The following NEK8 variants were observed in gnomAD, a reference collection of about 807,000 sequenced individuals.
NEK8 encodes the protein NIMA related kinase 8, also known as serine/threonine-protein kinase Nek8.
Under a neutral mutation model 77.2 loss-of-function variants are expected in NEK8, and 51 were observed. The ratio of observed to expected loss-of-function variants is 0.66; its 90% CI spans 0.53 to 0.83. The LOEUF (loss-of-function observed/expected upper bound fraction) is 0.83, where lower values mean the gene tolerates loss of function less well. NEK8 is among the 40% of genes least tolerant of loss of function. The pLI, the probability that NEK8 is intolerant of heterozygous loss-of-function variation, is 0.00. For missense variants in NEK8, 787 were observed against 909.2 expected, an observed-to-expected ratio of 0.87 and a Z score of 1.73; for synonymous variants, 365 against 363.2, an observed-to-expected ratio of 1.00 and a Z score of -0.06.
In NEK8 at chr17:28,742,941, CG is replaced by C. The variant is rs1305323766; in HGVS notation, c.*957del. 1 of 151,910 alleles carries C rather than the reference CG, an allele frequency of 6.6e-6. No individual in the cohort carries two copies. Among genetic ancestry groups the C allele is most frequent in the Non-Finnish European group, 1.5e-5 (1 of 68,008 alleles). 9.4% of individuals were successfully genotyped at this position (151,910 alleles called of 1,614,324 possible). On this transcript the variant is annotated 3_prime_UTR_variant, in exon 15 of 15. Coordinates refer to ENST00000268766, the MANE Select transcript of NEK8 (RefSeq NM_178170.3). The stretch of plus-strand genomic sequence containing the variant: ...TACAAAAATTAACCAGGCATGGTGA[CG>C]GGCGCCTGTAATCCCAGCTACTCTG...
At position 28,735,388 on chromosome 17, in the gene NEK8, T is replaced by C; in HGVS notation, c.618+17T>C. On this transcript the variant is annotated intron_variant, in intron 4 of 14. Coordinates refer to ENST00000268766, the MANE Select transcript of NEK8 (RefSeq NM_178170.3). ...GAGGCTGCGGTGAGTGTATGCACCC[T>C]CCAGGGGACAACTGAGAAATCTACT... The C allele has an allele frequency of 6.2e-7, 1 of 1,611,630 alleles. No individual in the cohort carries two copies. The highest frequency in any genetic ancestry group is 8.5e-7 in the Non-Finnish European group (1 of 1,179,216).
rs754548714 is a variant in NEK8 at position 28,735,023 on chromosome 17, G to A, written c.486+19G>A. ...CTACACGGTGCCTGGGCATGGAAGG[G>A]ACCTCCAGGGCACTAGAAGTCTTGA... On this transcript the variant is annotated intron_variant, in intron 3 of 14. Transcript: ENST00000268766. 1.3e-6 allele frequency: 2 copies of A among 1,583,392 alleles called. No individual in the cohort carries two copies. Among genetic ancestry groups the A allele is most frequent in the East Asian group, 4.5e-5 (2 of 44,752 alleles).
At position 28,741,583 on chromosome 17, in the gene NEK8, C is replaced by T. The variant is rs761956684; in HGVS notation, c.2050+12C>T. On this transcript the variant is annotated intron_variant, in intron 14 of 14. Coordinates refer to ENST00000268766, the MANE Select transcript of NEK8 (RefSeq NM_178170.3). This position sits in a 1 kb window ranked among gnomAD's most constrained non-coding sequence, Gnocchi z 4.5. ...CCTGGCTGTTCGATGTGAGTTGTAA[C>T]TTTTCCCACTTCACCACACAGCCCA... is the stretch of plus-strand genomic sequence containing the variant. The T allele has an allele frequency of 1.2e-6, 2 of 1,613,922 alleles. No homozygotes were observed. The highest frequency in any genetic ancestry group is 1.1e-5 in the South Asian group (1 of 91,086).
intron 2 of NEK8, 63 bp downstream of exon 2, chr17:28,734,251 C>A: frequency 7.0e-7 from 1 of 1,427,640 alleles, no homozygotes; most frequent in Non-Finnish European, 9.9e-7. Flanking sequence ...CAGGCAGACA[C>A]AGATCTCCTG....
intron 8 of NEK8, 135 bp downstream of exon 8, chr17:28,738,380 A>G (rs1467666343): frequency 1.5e-5 from 17 of 1,129,300 alleles, no homozygotes; most frequent in Non-Finnish European, 2.1e-5. Flanking sequence ...TCTAGTAACT[A>G]TTGAGGAGAT....
At position 28,742,138 on chromosome 17, in the gene NEK8, GC is replaced by G. The variant is rs2034429915; in HGVS notation, c.*153del. ...TGGCAAAACCCCTGCTCTGCTTTTG[GC>G]CTTGGATATGGAAACCTCAACCACT... On this transcript the variant is annotated 3_prime_UTR_variant, in exon 15 of 15. Coordinates refer to ENST00000268766, the MANE Select transcript of NEK8 (RefSeq NM_178170.3). 3 of 828,776 alleles carry G rather than the reference GC, an allele frequency of 3.6e-6. No homozygotes were observed. The East Asian group carries it at 7.3e-5, about 20-fold the overall frequency. The allele number at this position is 828,776 out of a possible 1,614,324, so 51.3% of individuals were successfully genotyped here.
chr17:28,734,819 G>T lies in NEK8; in HGVS notation c.301G>T (p.Glu101Ter). ...CCAAAAGCGCTGTAATTCCCTGCTGGAGGAGGAGACCATCCTGCACTTCTT... is the reference window on the plus strand; with the variant it reads ...CCAAAAGCGCTGTAATTCCCTGCTGTAGGAGGAGACCATCCTGCACTTCTT... Reference protein sequence around the residue: ...FIQKRCNSLLEEETILHFFVQ... With the variant: ...FIQKRCNSLL The change falls in exon 3 of 15, where the codon GAG becomes TAG. Residue 101 changes from glutamate (E) to a stop codon, truncating the protein, a stop_gained. Transcript: ENST00000268766. LOFTEE classifies it high-confidence loss of function. 1 of 1,613,882 alleles carries T rather than the reference G, an allele frequency of 6.2e-7. No homozygotes were observed. The highest frequency in any genetic ancestry group is 8.5e-7 in the Non-Finnish European group (1 of 1,180,006).
intron 1 of NEK8, 70 bp downstream of exon 1, chr17:28,728,930 G>A (rs756177164): frequency 8.0e-6 from 11 of 1,376,094 alleles, no homozygotes; most frequent in Non-Finnish European, 9.1e-6. Flanking sequence ...CGCCCGCGAA[G>A]TCGCCGCCCG....
rs546703198 is a variant in NEK8, at chr17:28,741,842, CTCTT to C, written c.2051-113_2051-110del. On this transcript the variant is annotated intron_variant, in intron 14 of 14. Transcript: ENST00000268766. This position sits in a 1 kb window ranked among gnomAD's most constrained non-coding sequence, Gnocchi z 4.5. ...GCTGAGTCCCGTTGATGCTGAAACT[CTCTT>C]TCTGGCCTAACAGGGTCCAGAATCC... 1.1e-3 allele frequency: 1,232 copies of C among 1,150,760 alleles called. 5 individuals are homozygous for C. Among genetic ancestry groups the C allele is most frequent in the Non-Finnish European group, 1.5e-3 (1,116 of 759,228 alleles). The allele number at this position is 1,150,760 out of a possible 1,614,324, so 71.3% of individuals were successfully genotyped here.
Position 28,740,672 on chromosome 17 carries a change from C to T in NEK8, c.1568+59C>T, listed in dbSNP as rs2034411600. ...TGGCTCTCCTTGGCTGCAAGTGCTC[C>T]GTCCATCATTGCCTACCTTTCACCA... On this transcript the variant is annotated intron_variant, in intron 11 of 14. Coordinates refer to ENST00000268766, the MANE Select transcript of NEK8 (RefSeq NM_178170.3). The surrounding 1 kb of genome is among the most constrained non-coding windows in gnomAD (Gnocchi z 4.7). 26 of 1,599,020 alleles carry T rather than the reference C, an allele frequency of 1.6e-5. No individual in the cohort carries two copies. Among genetic ancestry groups the T allele is most frequent in the South Asian group, 6.6e-5 (6 of 90,736 alleles).
Position 28,737,293 on chromosome 17 carries a change from G to T in NEK8, c.619-13G>T. On this transcript the variant is annotated splice_polypyrimidine_tract_variant and intron_variant, in intron 4 of 14. Coordinates refer to ENST00000268766, the MANE Select transcript of NEK8 (RefSeq NM_178170.3). This position sits in a 1 kb window ranked among gnomAD's most constrained non-coding sequence, Gnocchi z 4.8. ...CCTCACTTCCCCAAATTCTCAACCT[G>T]GTGCCTTCACAGAACTTGCCAGCAC... The T allele has an allele frequency of 1.2e-6, 2 of 1,602,576 alleles. No individual in the cohort carries two copies. The highest frequency in any genetic ancestry group is 1.7e-6 in the Non-Finnish European group (2 of 1,174,934).
In NEK8 at chr17:28,735,074, C is replaced by T. The variant is rs2034350092; in HGVS notation, c.486+70C>T. 6.0e-6 allele frequency: 9 copies of T among 1,500,616 alleles called. No individual in the cohort carries two copies. In the South Asian group the frequency reaches 9.0e-5, roughly 15 times the overall value. 93.0% of individuals were successfully genotyped at this position (1,500,616 alleles called of 1,614,324 possible). A position where few individuals can be genotyped will look rare whatever the true frequency, so the allele number is the denominator to read the frequency against. On this transcript the variant is annotated intron_variant, in intron 3 of 14. Coordinates refer to ENST00000268766, the MANE Select transcript of NEK8 (RefSeq NM_178170.3). ...GGGCCAGGACCTAACCCTGCCTCCT[C>T]CCCTCCCCCTAAAAAACCCTTGGCC...
rs1194439006 is a variant in NEK8 at position 28,735,015 on chromosome 17, A to G, written c.486+11A>G. On this transcript the variant is annotated intron_variant, in intron 3 of 14. Transcript: ENST00000268766. ...AGCAAGGCCTACACGGTGCCTGGGC[A>G]TGGAAGGGACCTCCAGGGCACTAGA... 1.8e-5 allele frequency: 28 copies of G among 1,597,514 alleles called. No individual in the cohort carries two copies. Among genetic ancestry groups the G allele is most frequent in the African/African-American group, 1.6e-4 (12 of 74,768 alleles).
chr17:28,732,695 G>T (rs903374641), intron 1 of NEK8, among the ~76,000 whole-genome samples: 1 of 150,882 alleles, frequency 6.6e-6, no homozygotes, highest in Non-Finnish European at 1.5e-5. Flanking sequence ...GGGATTACAG[G>T]CGCCTGCCAC....
At position 28,738,115 on chromosome 17, in the gene NEK8, C is replaced by T. The variant is rs201321032; in HGVS notation, c.1092C>T (p.Gly364=). Residue 364 remains glycine, a synonymous_variant, in exon 8 of 15, where the codon GGC becomes GGT. Coordinates refer to ENST00000268766, the MANE Select transcript of NEK8 (RefSeq NM_178170.3). ...TGCAGGCCCCACCCCTAGGTGCAGG[C>T]GGAGGCAGTCTCCTTCCTGGGGCAG... ...ILWEAPPLGA[G]GGSLLPGAVE... 85 of 1,613,772 alleles carry T rather than the reference C, an allele frequency of 5.3e-5. 2 individuals are homozygous for T. In the South Asian group the frequency reaches 6.8e-4, roughly 13 times the overall value.
rs551842894 is a variant in NEK8 at position 28,739,350 on chromosome 17, C to T, written c.1417+149C>T. On this transcript the variant is annotated intron_variant, in intron 10 of 14. Transcript: ENST00000268766. Reference sequence around the variant, plus strand: ...CATTCAACAAACCTTTATTTTACACCGACTATGTGCACACCCTGTGCTGGG... The same window carrying T: ...CATTCAACAAACCTTTATTTTACACTGACTATGTGCACACCCTGTGCTGGG... 9.5e-4 allele frequency: 698 copies of T among 737,894 alleles called. 6 individuals are homozygous for T. The African/African-American group carries it at 0.011, about 11-fold the overall frequency. The allele number at this position is 737,894 out of a possible 1,614,324, so 45.7% of individuals were successfully genotyped here. A position where few individuals can be genotyped will look rare whatever the true frequency, so the allele number is the denominator to read the frequency against.
intron 8 of NEK8, 144 bp downstream of exon 8, chr17:28,738,389 AT>A: frequency 9.2e-7 from 1 of 1,086,952 alleles, no homozygotes; most frequent in Non-Finnish European, 1.4e-6. Context: ...TATTGAGGAG[AT>A]TTCCTTATAC....
intron 3 of NEK8, 84 bp downstream of exon 3, chr17:28,735,088 A>T: frequency 6.6e-7 from 1 of 1,517,710 alleles, no homozygotes; most frequent in Non-Finnish European, 9.1e-7. Context: ...TCCCCCTAAA[A>T]AACCCTTGGC....
In NEK8 at chr17:28,740,262, C is replaced by T. The variant is rs141768076; in HGVS notation, c.1418-201C>T. 5.0e-4 allele frequency among the ~76,000 whole-genome samples: 76 copies of T among 152,024 alleles called. No homozygotes were observed. The East Asian group carries it at 0.014, about 29-fold the overall frequency. On this transcript the variant is annotated intron_variant, in intron 10 of 14. Transcript: ENST00000268766. The surrounding 1 kb of genome is among the most constrained non-coding windows in gnomAD (Gnocchi z 4.7). ...TCATACCCTTGTACTCCAGCCTTGG[C>T]GACAGAGTGAGACTCAGTCTCGAAA...
Sources: allele counts gnomAD v4.1 joint callset (sites outside exome capture counted in the v4.1 genomes callset), GRCh38; gene constraint gnomAD v4.1.1; non-coding constraint Gnocchi (gnomAD v3.1); transcripts MANE v1.5; gene names NCBI Gene and HGNC (gene_info 2026-07-23, HGNC 2026-07-21).